The following ADAMTS6 variants were observed in gnomAD, a reference collection of about 807,000 sequenced individuals.
ADAMTS6 encodes the protein ADAM metallopeptidase with thrombospondin type 1 motif 6, also known as A disintegrin and metalloproteinase with thrombospondin motifs 6.
Under a neutral mutation model 144.3 loss-of-function variants are expected in ADAMTS6, and 23 were observed. That is an observed-to-expected ratio of 0.16 (90% confidence interval 0.11 to 0.23). ADAMTS6 has a LOEUF of 0.23. ADAMTS6 is among the 10% of genes least tolerant of loss of function. The pLI, the probability that ADAMTS6 is intolerant of heterozygous loss-of-function variation, is 1.00. For synonymous variants in ADAMTS6, 444 were observed against 457.5 expected, an observed-to-expected ratio of 0.97 and a Z score of 0.38; for missense variants, 999 against 1,379.6, an observed-to-expected ratio of 0.72 and a Z score of 4.37.
In ADAMTS6 at chr5:65,212,974, A is replaced by G. The variant is rs181257170; in HGVS notation, c.2575+1820T>C. Among the ~76,000 whole-genome samples the G allele has an allele frequency of 1.8e-3, 277 of 152,320 alleles. 2 individuals carry two copies. The highest frequency in any genetic ancestry group is 1.9e-3 in the Non-Finnish European group (127 of 68,032). ...TTTTGTTGGAATATGCAAAGGGAAA[A>G]GTTAATTTATAGAATAAAAAGAATT... is the stretch of plus-strand genomic sequence containing the variant. On this transcript the variant is annotated intron_variant, in intron 20 of 24. Transcript: ENST00000381055.
intron 7 of ADAMTS6, among the ~76,000 whole-genome samples, chr5:65,378,724 A>T (rs1751773877): frequency 6.6e-6 from 1 of 152,154 alleles, no homozygotes; most frequent in Non-Finnish European, 1.5e-5. Context: ...CTACAGCACC[A>T]TACTACACAC....
chr5:65,355,950 G>A (rs1382847861), intron 7 of ADAMTS6, among the ~76,000 whole-genome samples: 1 of 151,638 alleles, frequency 6.6e-6, no homozygotes, highest in Non-Finnish European at 1.5e-5. Context: ...ATTGTTTCCT[G>A]TTATCCCCTA....
At chr5:65,412,865 T>C (rs1215697735) in intron 7 of ADAMTS6, among the ~76,000 whole-genome samples, 1 of 152,180 alleles carries the variant, frequency 6.6e-6, no homozygotes, top group African/African-American at 2.4e-5. Flanking sequence ...CAGAGTTTTT[T>C]AATCCAATTA....
At chr5:65,354,954 A>G (rs2150095193) in intron 7 of ADAMTS6, among the ~76,000 whole-genome samples, 1 of 151,976 alleles carries the variant, frequency 6.6e-6, no homozygotes, top group East Asian at 1.9e-4. Flanking sequence ...CTATGAAGGC[A>G]TATTTGGCTT....
intron 20 of ADAMTS6, among the ~76,000 whole-genome samples, chr5:65,198,315 A>G (rs1755519384): frequency 6.7e-6 from 1 of 149,250 alleles, no homozygotes; most frequent in African/African-American, 2.5e-5. Flanking sequence ...ACAATCCTTC[A>G]GTTGTTTTTC....
intron 9 of ADAMTS6, among the ~76,000 whole-genome samples, chr5:65,301,665 G>A (rs1011140058): frequency 2.6e-5 from 4 of 151,948 alleles, no homozygotes; most frequent in Non-Finnish European, 4.4e-5. Flanking sequence ...ATTACCAACT[G>A]AGAACTGATA....
intron 7 of ADAMTS6, among the ~76,000 whole-genome samples, chr5:65,444,041 T>C (rs568624647): frequency 1.3e-5 from 2 of 152,254 alleles, no homozygotes; most frequent in East Asian, 3.9e-4. Flanking sequence ...GGAAGAAGCA[T>C]AATGTCTTTC....
At chr5:65,335,190 T>C (rs1747187217) in intron 7 of ADAMTS6, among the ~76,000 whole-genome samples, 2 of 152,174 alleles carry the variant, frequency 1.3e-5, no homozygotes, top group Non-Finnish European at 2.9e-5. Flanking sequence ...AGATACCCTC[T>C]GTCTATCTTT....
intron 4 of ADAMTS6, 63 bp downstream of exon 4, chr5:65,460,107 C>T: frequency 1.9e-6 from 3 of 1,546,556 alleles, no homozygotes; most frequent in Non-Finnish European, 1.7e-6. Context: ...CTATACTTGC[C>T]AGAAGAAAGA....
chr5:65,261,442 G>A (rs183554124), intron 13 of ADAMTS6, among the ~76,000 whole-genome samples: 1 of 148,366 alleles, frequency 6.7e-6, no homozygotes, highest in Non-Finnish European at 1.5e-5. Context: ...AAGTATCTGG[G>A]TATATTATTT....
Position 65,385,399 on chromosome 5 carries a change from C to A in ADAMTS6, c.1074-51314G>T, listed in dbSNP as rs182867560. ...GACTGCAAACTAAACTCAGAGAGACCCAAGTTTGGACTTCAGCTTTGCGAT... is the reference window on the plus strand; with the variant it reads ...GACTGCAAACTAAACTCAGAGAGACACAAGTTTGGACTTCAGCTTTGCGAT... On this transcript the variant is annotated intron_variant, in intron 7 of 24. Coordinates refer to ENST00000381055, the MANE Select transcript of ADAMTS6 (RefSeq NM_197941.4). Among the ~76,000 whole-genome samples the A allele has an allele frequency of 9.8e-4, 149 of 152,174 alleles. 3 individuals are homozygous for A. The highest frequency in any genetic ancestry group is 3.1e-3 in the Admixed American group (47 of 15,282).
At chr5:65,470,715 G>A in intron 3 of ADAMTS6, 63 bp downstream of exon 3, 1 of 1,389,436 alleles carries the variant, frequency 7.2e-7, no homozygotes, top group Non-Finnish European at 9.5e-7. Context: ...TCTGAGGAAA[G>A]ACATTTACAT....
intron 9 of ADAMTS6, among the ~76,000 whole-genome samples, chr5:65,300,394 C>T (rs1262350702): frequency 2.0e-5 from 3 of 152,112 alleles, no homozygotes; most frequent in Non-Finnish European, 4.4e-5. Flanking sequence ...TCTCTTTGAG[C>T]CGAATATATT....
chr5:65,427,195 C>G (rs4700082), intron 7 of ADAMTS6, among the ~76,000 whole-genome samples: 92,118 of 152,006 alleles, frequency 0.61, 29,773 homozygotes, highest in African/African-American at 0.84. Context: ...TAAATGTACT[C>G]AATAGCAACA....
intron 7 of ADAMTS6, among the ~76,000 whole-genome samples, chr5:65,447,480 T>G (rs752707256): frequency 9.9e-5 from 15 of 152,134 alleles, no homozygotes; most frequent in Non-Finnish European, 2.2e-4. Context: ...GTCAATTTAA[T>G]AATTTTAAAA....
At chr5:65,228,453 G>C (rs965873302) in intron 15 of ADAMTS6, among the ~76,000 whole-genome samples, 1 of 152,142 alleles carries the variant, frequency 6.6e-6, no homozygotes, top group Non-Finnish European at 1.5e-5. Flanking sequence ...GGTACCACTA[G>C]AGTGACATCA....
intron 21 of ADAMTS6, among the ~76,000 whole-genome samples, chr5:65,193,712 T>C (rs1402534547): frequency 2.0e-5 from 3 of 152,174 alleles, no homozygotes; most frequent in African/African-American, 7.2e-5. Flanking sequence ...ATTTGAACTA[T>C]AAATTATTTT....
At chr5:65,242,250 A>T in intron 14 of ADAMTS6, 44 bp from the exon 15 acceptor site, 1 of 1,466,592 alleles carries the variant, frequency 6.8e-7, no homozygotes, top group Middle Eastern at 1.8e-4. Context: ...GTTGGAAAAT[A>T]CCAAAAGCAA....
intron 9 of ADAMTS6, among the ~76,000 whole-genome samples, chr5:65,323,157 G>A (rs941193373): frequency 6.6e-6 from 1 of 151,662 alleles, no homozygotes. Context: ...GGGTACATGT[G>A]CACAACATGC....
Sources: gnomAD v4.1 joint callset for allele counts (sites outside exome capture counted in the v4.1 genomes callset) on GRCh38, gnomAD v4.1.1 for gene constraint, MANE v1.5 for transcripts, NCBI Gene and HGNC (gene_info 2026-07-23, HGNC 2026-07-21) for gene names.